The following TTC7A variants were observed in gnomAD, a reference collection of about 807,000 sequenced individuals.
TTC7A encodes the protein tetratricopeptide repeat domain 7A, also known as tetratricopeptide repeat protein 7A.
Under a neutral mutation model 103.7 loss-of-function variants are expected in TTC7A, and 110 were observed. The observed-to-expected ratio is 1.06, with a 90% CI of 0.91 to 1.24. The LOEUF (loss-of-function observed/expected upper bound fraction) is 1.24. TTC7A is among the 50% of genes most tolerant of loss of function. TTC7A has a pLI of 0.00. For missense variants in TTC7A, 1,340 were observed against 1,116.3 expected (o/e 1.20, Z -2.86); for synonymous variants, 521 against 467.9 (o/e 1.11, Z -1.47).
At chr2:47,051,656 C>T in intron 17 of TTC7A, 90 bp from the exon 18 acceptor site, 1 of 1,464,594 alleles carries the variant, frequency 6.8e-7, no homozygotes, top group Non-Finnish European at 9.1e-7. Context: ...GGTGCCCTGT[C>T]TCCCCATGGT....
Position 47,007,998 on chromosome 2 carries a change from G to T in TTC7A, c.1287+1274G>T, listed in dbSNP as rs1677605481. On this transcript the variant is annotated intron_variant, in intron 10 of 19. Transcript: ENST00000319190. This position sits in a 1 kb window ranked among gnomAD's most constrained non-coding sequence, Gnocchi z 4.9. The stretch of plus-strand genomic sequence containing the variant: ...AGACAATGTGGGCAACGGTGAAGGG[G>T]CTGGAAAAGACGAGCTGGCCGTGGG... Among the ~76,000 whole-genome samples, 1 of 152,206 alleles carries T rather than the reference G, an allele frequency of 6.6e-6. No homozygotes were observed. The highest frequency in any genetic ancestry group is 1.5e-5 in the Non-Finnish European group (1 of 68,032).
At chr2:47,043,443 G>A (rs948630960) in intron 15 of TTC7A, among the ~76,000 whole-genome samples, 3 of 152,168 alleles carry the variant, frequency 2.0e-5, no homozygotes, top group South Asian at 2.1e-4. Context: ...AGCACAGCAC[G>A]GATGAGTCCC....
At chr2:46,917,352 C>T in intron 2 of TTC7A, 1 of 600,756 alleles carries the variant, frequency 1.7e-6, no homozygotes, top group Non-Finnish European at 2.9e-6. Context: ...ATTCTTCTTT[C>T]CTTACTCTGA....
chr2:46,975,582 C>G (rs1665536572), intron 4 of TTC7A, among the ~76,000 whole-genome samples: 1 of 152,096 alleles, frequency 6.6e-6, no homozygotes, highest in Admixed American at 6.5e-5. Flanking sequence ...TCCCCACTCC[C>G]TGTGGTGGGT....
At chr2:46,944,374 GTTTTTTTTTTT>G (rs34191565) in intron 1 of TTC7A, among the ~76,000 whole-genome samples, 4 of 88,944 alleles carry the variant, frequency 4.5e-5, no homozygotes, top group Admixed American at 1.6e-4. Flanking sequence ...GGTATTTTGG[GTTTTTTTTTTT>G]TTTTTTTTTT....
intron 19 of TTC7A, among the ~76,000 whole-genome samples, chr2:47,070,196 T>C (rs968368196): frequency 6.6e-6 from 1 of 152,224 alleles, no homozygotes; most frequent in Non-Finnish European, 1.5e-5. Flanking sequence ...AAGGCCCTTT[T>C]CCCCTCATCC....
chr2:47,047,295 C>G (rs1229911060), intron 16 of TTC7A: 1 of 1,549,904 alleles, frequency 6.5e-7, no homozygotes, highest in South Asian at 1.2e-5. Flanking sequence ...GGCTTCCAGA[C>G]TCCCCAGAGG....
At chr2:47,023,378 A>G (rs762915160) in intron 12 of TTC7A, 30 bp from the exon 13 acceptor site, 1 of 1,613,296 alleles carries the variant, frequency 6.2e-7, no homozygotes, top group Non-Finnish European at 8.5e-7. Flanking sequence ...GTGACCCCTG[A>G]TGGCTCAGTT....
chr2:46,927,038 G>C (rs1023262992), intron 2 of TTC7A, among the ~76,000 whole-genome samples: 6 of 152,126 alleles, frequency 3.9e-5, no homozygotes, highest in Non-Finnish European at 8.8e-5. Context: ...AAATATGCCA[G>C]AGGAAACTAT....
chr2:47,042,412 A>G (rs1217957998), intron 15 of TTC7A, among the ~76,000 whole-genome samples: 2 of 152,112 alleles, frequency 1.3e-5, no homozygotes, highest in African/African-American at 4.8e-5. Context: ...TGAGGCAGGA[A>G]GATTGCTTGA....
intron 1 of TTC7A, among the ~76,000 whole-genome samples, chr2:46,946,102 A>G (rs1012931746): frequency 2.0e-5 from 3 of 152,158 alleles, no homozygotes; most frequent in African/African-American, 7.2e-5. Flanking sequence ...TGCAGGGGCT[A>G]TAAGGAAGGT....
At chr2:46,977,164 A>G (rs1673962289) in intron 4 of TTC7A, among the ~76,000 whole-genome samples, 1 of 152,210 alleles carries the variant, frequency 6.6e-6, no homozygotes, top group South Asian at 2.1e-4. Context: ...GTCCCTGTCA[A>G]AGGTCTGATG....
At chr2:47,067,375 T>TGAGCCC (rs1447382224) in intron 19 of TTC7A, among the ~76,000 whole-genome samples, 1 of 152,266 alleles carries the variant, frequency 6.6e-6, no homozygotes, top group African/African-American at 2.4e-5. Flanking sequence ...GGCCTGAGCC[T>TGAGCCC]GAGCCCCACC....
chr2:47,073,783 C>A lies in TTC7A; in HGVS notation c.2437C>A (p.His813Asn). 6.2e-7 allele frequency: 1 copy of A among 1,613,814 alleles called. No individual in the cohort carries two copies. Among genetic ancestry groups the A allele is most frequent in the Non-Finnish European group, 8.5e-7 (1 of 1,180,028 alleles). The part of the protein sequence containing the change: ...RDAVERQSTC[H>N]EAWQGLGEVL... Reference sequence around the variant, plus strand: ...TGCCGTGGAGAGGCAGAGTACGTGCCACGAGGCGTGGCAGGGCCTGGGCGA... The same window carrying A: ...TGCCGTGGAGAGGCAGAGTACGTGCAACGAGGCGTGGCAGGGCCTGGGCGA... The change falls in exon 20 of 20, where the codon CAC (histidine) becomes AAC (asparagine). Residue 813 changes from histidine (H) to asparagine (N), a missense_variant. Coordinates refer to ENST00000319190, the MANE Select transcript of TTC7A (RefSeq NM_020458.4).
chr2:46,931,118 G>T (rs1380916034), intron 2 of TTC7A, among the ~76,000 whole-genome samples: 1 of 152,190 alleles, frequency 6.6e-6, no homozygotes, highest in Non-Finnish European at 1.5e-5. Flanking sequence ...GGCCCCCAAA[G>T]ATGTTTATGT....
intron 1 of TTC7A, among the ~76,000 whole-genome samples, chr2:46,943,409 A>AGTG (rs1353640236): frequency 1.6e-4 from 25 of 152,062 alleles, no homozygotes; most frequent in African/African-American, 5.6e-4. Context: ...TCACTGTGGG[A>AGTG]ACTGGCCAGT....
intron 11 of TTC7A, among the ~76,000 whole-genome samples, chr2:47,018,870 G>A (rs1482765913): frequency 6.6e-6 from 1 of 152,106 alleles, no homozygotes; most frequent in East Asian, 1.9e-4. Context: ...CTTGCCCAAG[G>A]TTAGCAAGTG....
At chr2:47,043,901 C>T (rs926456571) in intron 15 of TTC7A, among the ~76,000 whole-genome samples, 1 of 152,170 alleles carries the variant, frequency 6.6e-6, no homozygotes, top group African/African-American at 2.4e-5. Flanking sequence ...ATGGTGTGGT[C>T]GGGTCTGCCC....
At position 47,010,036 on chromosome 2, in the gene TTC7A, A is replaced by C. The variant is rs558569425; in HGVS notation, c.1288-1295A>C. ...TTCAAACCTCAGCTCAGCCATTCAT[A>C]GGCTGTGTGGCTTTGAACAAGTTAC... On this transcript the variant is annotated intron_variant, in intron 10 of 19. Coordinates refer to ENST00000319190, the MANE Select transcript of TTC7A (RefSeq NM_020458.4). Among the ~76,000 whole-genome samples, 9 of 152,228 alleles carry C rather than the reference A, an allele frequency of 5.9e-5. No individual in the cohort carries two copies. The South Asian group carries it at 1.9e-3, about 32-fold the overall frequency.
Sources: allele counts gnomAD v4.1 joint callset (sites outside exome capture counted in the v4.1 genomes callset), GRCh38; gene constraint gnomAD v4.1.1; non-coding constraint Gnocchi (gnomAD v3.1); transcripts MANE v1.5; gene names NCBI Gene and HGNC (gene_info 2026-07-23, HGNC 2026-07-21).